Variants in SORT1 observed in about 807,000 individuals in gnomAD.
SORT1 encodes the protein sortilin.
Under a neutral mutation model 101.7 loss-of-function variants are expected in SORT1, and 39 were observed. The ratio of observed to expected loss-of-function variants is 0.38; its 90% CI spans 0.30 to 0.50. The LOEUF (loss-of-function observed/expected upper bound fraction) is 0.50, where lower values mean the gene tolerates loss of function less well. Among genes scored for constraint, SORT1 ranks in the 20% least tolerant of loss-of-function variants. The pLI, the probability that SORT1 is intolerant of heterozygous loss-of-function variation, is 0.90. For missense variants in SORT1, 878 were observed against 1,040.4 expected, an observed-to-expected ratio of 0.84 and a Z score of 2.15; for synonymous variants, 396 against 393.7, an observed-to-expected ratio of 1.01 and a Z score of -0.07.
intron 8 of SORT1, among the ~76,000 whole-genome samples, chr1:109,342,839 G>A (rs1336357799): frequency 6.6e-6 from 1 of 151,990 alleles, no homozygotes; most frequent in East Asian, 1.9e-4. Flanking sequence ...CTGATAAATA[G>A]CTTAACATCG....
intron 1 of SORT1, among the ~76,000 whole-genome samples, chr1:109,375,952 A>C (rs187037207): frequency 1.4e-4 from 22 of 152,226 alleles, no homozygotes; most frequent in East Asian, 1.2e-3. Context: ...CACACACACA[A>C]AAACAGATAC....
intron 1 of SORT1, among the ~76,000 whole-genome samples, chr1:109,385,815 C>A (rs1197719454): frequency 6.6e-6 from 1 of 152,174 alleles, no homozygotes; most frequent in Non-Finnish European, 1.5e-5. Context: ...ATGCCCCAGA[C>A]TAAAAAAGAC....
intron 1 of SORT1, among the ~76,000 whole-genome samples, chr1:109,381,867 A>C (rs1479630398): frequency 2.6e-5 from 4 of 151,482 alleles, no homozygotes; most frequent in Non-Finnish European, 5.9e-5. Context: ...GTCCCTTAAA[A>C]AAGAAAAAAA....
At chr1:109,369,324 AC>A (rs1008032491) in intron 2 of SORT1, among the ~76,000 whole-genome samples, 2 of 151,156 alleles carry the variant, frequency 1.3e-5, no homozygotes, top group South Asian at 2.1e-4. Flanking sequence ...CTCCGTCCCC[AC>A]CCCCCCGCAA....
At chr1:109,377,294 T>C (rs1261122588) in intron 1 of SORT1, among the ~76,000 whole-genome samples, 1 of 152,364 alleles carries the variant, frequency 6.6e-6, no homozygotes, top group African/African-American at 2.4e-5. Flanking sequence ...CAAGGTCTTA[T>C]ATTTATTAGA....
chr1:109,328,009 T>C (rs1394202406), intron 11 of SORT1, among the ~76,000 whole-genome samples: 1 of 152,240 alleles, frequency 6.6e-6, no homozygotes, highest in Non-Finnish European at 1.5e-5. Context: ...TGGCATAATG[T>C]CCTCAAGGCT....
chr1:109,313,890 C>T lies in SORT1; in HGVS notation c.*153G>A. ...GGTTCCCCACCCCCACCCTGCATTT[C>T]TTTAGTGTAGGTCCTTTTGGCTTTG... On this transcript the variant is annotated 3_prime_UTR_variant, in exon 20 of 20. Transcript: ENST00000256637. 27 of 394,916 alleles carry T rather than the reference C, an allele frequency of 6.8e-5. No homozygotes were observed. The highest frequency in any genetic ancestry group is 1.1e-4 in the South Asian group (4 of 34,804). 24.5% of individuals were successfully genotyped at this position (394,916 alleles called of 1,614,324 possible).
At chr1:109,314,225 G>C (rs774409507) in intron 19 of SORT1, 36 bp downstream of exon 19, 19 of 1,486,106 alleles carry the variant, frequency 1.3e-5, no homozygotes, top group South Asian at 6.9e-5. Flanking sequence ...TTTTTTGGGG[G>C]GGGGGGTACT....
intron 1 of SORT1, among the ~76,000 whole-genome samples, chr1:109,382,328 G>T (rs540363260): frequency 6.6e-6 from 1 of 152,198 alleles, no homozygotes; most frequent in East Asian, 1.9e-4. Flanking sequence ...TAGAGATGGG[G>T]TTTTACCATG....
intron 13 of SORT1, among the ~76,000 whole-genome samples, chr1:109,326,058 T>C (rs1468979617): frequency 1.3e-5 from 2 of 149,416 alleles, no homozygotes; most frequent in Non-Finnish European, 3.0e-5. Context: ...ATACTTCTTT[T>C]TTTTTTTTTT....
chr1:109,358,591 C>T (rs1650488476), intron 3 of SORT1, among the ~76,000 whole-genome samples: 2 of 152,210 alleles, frequency 1.3e-5, no homozygotes, highest in South Asian at 4.1e-4. Flanking sequence ...CGTGGTGGCT[C>T]ATGCCTGTAA....
At chr1:109,388,692 A>C (rs1369371074) in intron 1 of SORT1, among the ~76,000 whole-genome samples, 3 of 152,242 alleles carry the variant, frequency 2.0e-5, no homozygotes, top group Admixed American at 1.3e-4. Flanking sequence ...GAAAATCATT[A>C]CAAGAAATCC....
At chr1:109,330,475 A>G (rs1260665304) in intron 11 of SORT1, among the ~76,000 whole-genome samples, 2 of 152,232 alleles carry the variant, frequency 1.3e-5, no homozygotes, top group Middle Eastern at 3.2e-3. Flanking sequence ...TAAGGGATGC[A>G]GCAAAAGCAG....
rs1557773701 is a variant in SORT1, at chr1:109,313,042, T to C, written c.*1001A>G. 1.3e-5 allele frequency: 2 copies of C among 152,298 alleles called. No homozygotes were observed. The highest frequency in any genetic ancestry group is 2.1e-4 in the South Asian group (1 of 4,820). The allele number at this position is 152,298 out of a possible 1,614,324, so 9.4% of individuals were successfully genotyped here. On this transcript the variant is annotated 3_prime_UTR_variant, in exon 20 of 20. Transcript: ENST00000256637. ...CTAAGAAGCAGCAGATAGGCAGCCA[T>C]TGTCATGATTTAGCAACGAGCCACA...
chr1:109,362,851 C>T (rs550133263), intron 3 of SORT1, among the ~76,000 whole-genome samples: 17 of 151,254 alleles, frequency 1.1e-4, no homozygotes, highest in Non-Finnish European at 2.4e-4. Context: ...TTTATCCCAA[C>T]CTTGTAACTG....
At chr1:109,375,944 C>A (rs1651805355) in intron 1 of SORT1, among the ~76,000 whole-genome samples, 1 of 152,152 alleles carries the variant, frequency 6.6e-6, no homozygotes. Flanking sequence ...ATCACACACA[C>A]ACACACAAAA....
rs1026192379 is a variant in SORT1 at position 109,374,125 on chromosome 1, G to C, written c.307-4536C>G. 2.2e-4 allele frequency among the ~76,000 whole-genome samples: 34 copies of C among 152,134 alleles called. 1 individual carries two copies. The highest frequency in any genetic ancestry group is 8.2e-4 in the African/African-American group (34 of 41,486). The stretch of plus-strand genomic sequence containing the variant: ...TTTTAAAAATAACCAGGCACGCAAA[G>C]AAGAAATCAGGACCCATAATGAAGA... On this transcript the variant is annotated intron_variant, in intron 1 of 19. Coordinates refer to ENST00000256637, the MANE Select transcript of SORT1 (RefSeq NM_002959.7).
intron 2 of SORT1, among the ~76,000 whole-genome samples, chr1:109,369,310 G>A (rs1218682817): frequency 1.3e-5 from 2 of 152,066 alleles, no homozygotes; most frequent in East Asian, 1.9e-4. Flanking sequence ...CAACAAGAGC[G>A]AAACTCCGTC....
rs575025498 is a variant in SORT1, at chr1:109,325,558, C to T, written c.1644-469G>A. On this transcript the variant is annotated intron_variant, in intron 13 of 19. Transcript: ENST00000256637. ...CCCAGCCAACTATTTTAACTTTTAACGTCTGTAGTTAACAGGATAAGGAAG... is the reference window on the plus strand; with the variant it reads ...CCCAGCCAACTATTTTAACTTTTAATGTCTGTAGTTAACAGGATAAGGAAG... 4.6e-5 allele frequency among the ~76,000 whole-genome samples: 7 copies of T among 152,048 alleles called. No homozygotes were observed. In the East Asian group the frequency reaches 5.8e-4, roughly 13 times the overall value.
Sources: allele counts gnomAD v4.1 joint callset (sites outside exome capture counted in the v4.1 genomes callset), GRCh38; gene constraint gnomAD v4.1.1; transcripts MANE v1.5; gene names NCBI Gene and HGNC (gene_info 2026-07-23, HGNC 2026-07-21).